The following ACVR1B variants were observed in gnomAD, a reference collection of about 807,000 sequenced individuals.
The protein encoded by ACVR1B is activin A receptor type 1B, also known as activin receptor type-1B.
In ACVR1B, 15 loss-of-function variants were observed where a neutral mutation model predicts 55.6. That is an observed-to-expected ratio of 0.27 (90% CI 0.18 to 0.42). The LOEUF is 0.42. Among genes scored for constraint, ACVR1B ranks in the 10% least tolerant of loss-of-function variants. The pLI, the probability that ACVR1B is intolerant of heterozygous loss-of-function variation, is 1.00. For missense variants in ACVR1B, 359 were observed against 670.1 expected (o/e 0.54, Z 5.13); for synonymous variants, 247 against 254.6 (o/e 0.97, Z 0.28).
rs2120703538 is a variant in ACVR1B, at chr12:51,985,309, C to T, written c.1097C>T (p.Thr366Ile). ...LAVRHDAVTD[T>I]IDIAPNQRVG... ...GTCCGTCATGATGCAGTCACTGACA[C>T]CATTGACATTGCCCCGAATCAGAGG... Residue 366 changes from threonine (T) to isoleucine (I), a missense_variant, in exon 6 of 9, where the codon ACC (threonine) becomes ATC (isoleucine). By Grantham distance (89) the Thr-to-Ile change is moderately conservative (BLOSUM62 -1). Transcript: ENST00000257963. 1 of 1,613,508 alleles carries T rather than the reference C, an allele frequency of 6.2e-7. No individual in the cohort carries two copies.
intron 1 of ACVR1B, among the ~76,000 whole-genome samples, chr12:51,969,309 G>A (rs1356535794): frequency 6.6e-6 from 1 of 152,134 alleles, no homozygotes; most frequent in Non-Finnish European, 1.5e-5. Flanking sequence ...GTCGTAAATG[G>A]CCATTTTTGA....
intron 8 of ACVR1B, 34 bp from the exon 9 acceptor site, chr12:51,993,951 T>C: frequency 2.5e-6 from 4 of 1,612,192 alleles, no homozygotes; most frequent in Non-Finnish European, 3.4e-6. Context: ...CTCCAGGGCA[T>C]GACCGAGCTG....
At chr12:51,964,584 G>A (rs1292211740) in intron 1 of ACVR1B, among the ~76,000 whole-genome samples, 10 of 152,154 alleles carry the variant, frequency 6.6e-5, no homozygotes. Flanking sequence ...AGTTTTAGAA[G>A]TTTAAGTTTT....
At chr12:51,957,847 T>C (rs1941443830) in intron 1 of ACVR1B, among the ~76,000 whole-genome samples, 1 of 152,254 alleles carries the variant, frequency 6.6e-6, no homozygotes, top group South Asian at 2.1e-4. Flanking sequence ...CACTATCTTC[T>C]TGCACTTAGG....
chr12:51,986,855 A>G lies in ACVR1B; in HGVS notation c.1174A>G (p.Met392Val), dbSNP rs751359032. 2 of 1,614,082 alleles carry G rather than the reference A, an allele frequency of 1.2e-6. No individual in the cohort carries two copies. Among genetic ancestry groups the G allele is most frequent in the Non-Finnish European group, 1.7e-6 (2 of 1,179,948 alleles). Residue 392 changes from methionine (M) to valine (V), a missense_variant, in exon 7 of 9, where the codon ATG becomes GTG. By Grantham distance (21) the Met-to-Val change is conservative. Around this residue, in one of 5 missense-constraint regions of ACVR1B, gnomAD observed 119 missense variants for 340.2 expected, o/e 0.35. Coordinates refer to ENST00000257963, the MANE Select transcript of ACVR1B (RefSeq NM_004302.5). The stretch of plus-strand genomic sequence containing the variant: ...TGAAGTACTTGATGAAACCATTAAT[A>G]TGAAACACTTTGACTCCTTTAAATG... Reference protein sequence around the residue: ...APEVLDETINMKHFDSFKCAD... With the variant: ...APEVLDETINVKHFDSFKCAD...
At position 51,976,533 on chromosome 12, in the gene ACVR1B, C is replaced by A. The variant is rs1156448594; in HGVS notation, c.538C>A (p.Gln180Lys). 1.4e-5 allele frequency: 22 copies of A among 1,613,960 alleles called. No homozygotes were observed. Among genetic ancestry groups the A allele is most frequent in the Non-Finnish European group, 1.8e-5 (21 of 1,180,022 alleles). Residue 180 changes from glutamine (Q) to lysine (K), a missense_variant, in exon 3 of 9, where the codon CAG becomes AAG. Physicochemically the swap from Gln to Lys is moderately conservative, Grantham distance 53. Coordinates refer to ENST00000257963, the MANE Select transcript of ACVR1B (RefSeq NM_004302.5). ...GTGTCTCTCCAAAGACAAGACGCTCCAGGATCTTGTCTACGATCTCTCCAC... is the reference window on the plus strand; with the variant it reads ...GTGTCTCTCCAAAGACAAGACGCTCAAGGATCTTGTCTACGATCTCTCCAC... ...EMCLSKDKTLQDLVYDLSTSG... is the reference protein window; with the variant it reads ...EMCLSKDKTLKDLVYDLSTSG...
rs2120596636 is a variant in ACVR1B at position 51,975,270 on chromosome 12, C to T, written c.97C>T (p.Leu33=). ...TGCTCCCCAATTTCCTGCAGCTCTG[C>T]TGTGTGCGTGCACCAGCTGCCTCCA... ...GSGPRGVQAL[L]CACTSCLQAN... The change falls in exon 2 of 9, where the codon CTG becomes TTG. Residue 33 remains leucine (L), a synonymous_variant. Transcript: ENST00000257963. 3 of 1,611,774 alleles carry T rather than the reference C, an allele frequency of 1.9e-6. No individual in the cohort carries two copies. Among genetic ancestry groups the T allele is most frequent in the Middle Eastern group, 1.6e-4 (1 of 6,062 alleles).
At chr12:51,963,606 C>G (rs1941582052) in intron 1 of ACVR1B, among the ~76,000 whole-genome samples, 1 of 152,202 alleles carries the variant, frequency 6.6e-6, no homozygotes, top group Admixed American at 6.5e-5. Context: ...TGAGTTTCAT[C>G]TATATTATAG....
chr12:51,955,893 A>G (rs1378745591), intron 1 of ACVR1B, among the ~76,000 whole-genome samples: 1 of 152,248 alleles, frequency 6.6e-6, no homozygotes, highest in African/African-American at 2.4e-5. Context: ...CTCACTCTGC[A>G]GGCACTGCCT....
intron 1 of ACVR1B, among the ~76,000 whole-genome samples, chr12:51,961,798 A>C (rs1304221231): frequency 2.0e-5 from 3 of 152,230 alleles, no homozygotes; most frequent in African/African-American, 7.2e-5. Context: ...GTTCATCATA[A>C]ACTGATATCA....
intron 7 of ACVR1B, 40 bp downstream of exon 7, chr12:51,986,982 A>G: frequency 6.2e-7 from 1 of 1,614,140 alleles, no homozygotes; most frequent in Admixed American, 1.7e-5. Context: ...CTCCCATTCC[A>G]GGATGCTGGA....
chr12:51,993,963 T>C (rs367858963), intron 8 of ACVR1B, 22 bp from the exon 9 acceptor site: 198 of 1,613,126 alleles, frequency 1.2e-4, no homozygotes, highest in Non-Finnish European at 1.6e-4. Flanking sequence ...ACCGAGCTGA[T>C]GGCTCCTGGG....
intron 1 of ACVR1B, among the ~76,000 whole-genome samples, chr12:51,972,357 C>A (rs1324743104): frequency 6.6e-6 from 1 of 152,148 alleles, no homozygotes; most frequent in Non-Finnish European, 1.5e-5. Flanking sequence ...TGATGGTAGT[C>A]CCATAAGATT....
chr12:51,969,920 A>G (rs1488802706), intron 1 of ACVR1B, among the ~76,000 whole-genome samples: 2 of 152,140 alleles, frequency 1.3e-5, no homozygotes, highest in African/African-American at 4.8e-5. Flanking sequence ...AAAAAGTCTT[A>G]AAAAATAAAG....
intron 1 of ACVR1B, among the ~76,000 whole-genome samples, chr12:51,968,830 G>A (rs1048258933): frequency 2.6e-5 from 4 of 152,150 alleles, no homozygotes; most frequent in African/African-American, 9.7e-5. Flanking sequence ...TAGCACCAAC[G>A]TGCTCAAAGG....
chr12:51,989,444 C>A (rs113132424), intron 7 of ACVR1B, among the ~76,000 whole-genome samples: 2 of 151,814 alleles, frequency 1.3e-5, no homozygotes, highest in African/African-American at 4.8e-5. Flanking sequence ...ACCACCACTG[C>A]GGGCTGATTT....
chr12:51,985,291 A>G lies in ACVR1B; in HGVS notation c.1079A>G (p.His360Arg). The change falls in exon 6 of 9, where the codon CAT becomes CGT. Residue 360 changes from histidine (H) to arginine (R), a missense_variant. Around this residue, in one of 5 missense-constraint regions of ACVR1B, gnomAD observed 119 missense variants for 340.2 expected, o/e 0.35. Coordinates refer to ENST00000257963, the MANE Select transcript of ACVR1B (RefSeq NM_004302.5). ...AIADLGLAVR[H>R]DAVTDTIDIA... ...GCAGACCTGGGCCTGGCTGTCCGTC[A>G]TGATGCAGTCACTGACACCATTGAC... The G allele has an allele frequency of 6.2e-7, 1 of 1,613,970 alleles. No individual in the cohort carries two copies. The highest frequency in any genetic ancestry group is 2.2e-5 in the East Asian group (1 of 44,848).
intron 1 of ACVR1B, among the ~76,000 whole-genome samples, chr12:51,968,001 G>A (rs1296219011): frequency 6.6e-6 from 1 of 152,248 alleles, no homozygotes; most frequent in Admixed American, 6.5e-5. Context: ...TTGGGAGGCT[G>A]AGGCGGGTGG....
intron 8 of ACVR1B, 41 bp downstream of exon 8, chr12:51,992,034 T>C: frequency 6.2e-7 from 1 of 1,614,142 alleles, no homozygotes; most frequent in African/African-American, 1.3e-5. Context: ...TCAGCCTGAT[T>C]TCTCCACCTT....
Sources: allele counts gnomAD v4.1 joint callset (sites outside exome capture counted in the v4.1 genomes callset), GRCh38; gene constraint gnomAD v4.1.1; regional missense constraint gnomAD v4.1.1; transcripts MANE v1.5; gene names NCBI Gene and HGNC (gene_info 2026-07-23, HGNC 2026-07-21).